PPP6R3: variants seen among roughly 807,000 people sequenced by gnomAD.
The protein encoded by PPP6R3 is protein phosphatase 6 regulatory subunit 3.
In PPP6R3, 38 loss-of-function variants were observed where a neutral mutation model predicts 110.7. The ratio of observed to expected loss-of-function variants is 0.34; its 90% CI spans 0.26 to 0.45. The LOEUF (loss-of-function observed/expected upper bound fraction) is 0.45, where lower values mean the gene tolerates loss of function less well. Among genes scored for constraint, PPP6R3 ranks in the 20% least tolerant of loss-of-function variants. The probability of loss-of-function intolerance (pLI) is 1.00; values close to 1 mark genes in which losing one functional copy is unlikely to be tolerated. For missense variants in PPP6R3, 870 were observed against 1,062.4 expected, an observed-to-expected ratio of 0.82 and a Z score of 2.52; for synonymous variants, 369 against 373.5, an observed-to-expected ratio of 0.99 and a Z score of 0.14.
intron 18 of PPP6R3, among the ~76,000 whole-genome samples, chr11:68,594,103 T>C (rs1326799002): frequency 6.6e-6 from 1 of 151,936 alleles, no homozygotes; most frequent in Non-Finnish European, 1.5e-5. Flanking sequence ...AGCCAGAAGG[T>C]CTGTATTAAT....
At chr11:68,596,314 T>C (rs2099613775) in intron 19 of PPP6R3, 96 bp downstream of exon 19, 23 of 1,527,712 alleles carry the variant, frequency 1.5e-5, no homozygotes, top group Non-Finnish European at 2.0e-5. Context: ...TGAGATGATA[T>C]CTGAAGGAAA....
At chr11:68,496,023 T>A (rs1293392968) in intron 1 of PPP6R3, among the ~76,000 whole-genome samples, 3 of 152,154 alleles carry the variant, frequency 2.0e-5, no homozygotes, top group African/African-American at 7.2e-5. Flanking sequence ...CTCACTCTGT[T>A]GCCCAGGCTG....
In PPP6R3 at chr11:68,610,059, G is replaced by C. The variant is rs569061434; in HGVS notation, c.2570+36G>C. ...GCCTCCTCAAACCCACCCAGGCCCT[G>C]CCCTGACCTTGCCTGTTGCTTCCTG... On this transcript the variant is annotated intron_variant, in intron 23 of 23. Transcript: ENST00000393800. 2 of 1,606,760 alleles carry C rather than the reference G, an allele frequency of 1.2e-6. 1 individual carries two copies. The highest frequency in any genetic ancestry group is 2.2e-5 in the South Asian group (2 of 90,360).
rs374093450 is a variant in PPP6R3 at position 68,466,757 on chromosome 11, T to C, written c.-158+5930T>C. 2.0e-5 allele frequency among the ~76,000 whole-genome samples: 3 copies of C among 151,798 alleles called. No homozygotes were observed. The East Asian group carries it at 5.8e-4, about 29-fold the overall frequency. ...CCTCCCGAGTAGCTGGGACTACAGG[T>C]GCCTGCCACCACGCCCGGCTAATTT... On this transcript the variant is annotated intron_variant, in intron 1 of 23. Transcript: ENST00000393800.
chr11:68,531,046 A>G (rs75805066), intron 2 of PPP6R3, among the ~76,000 whole-genome samples: 16 of 152,220 alleles, frequency 1.1e-4, no homozygotes, highest in Admixed American at 7.8e-4. Flanking sequence ...AAACCCACTG[A>G]TATCAACTTT....
At chr11:68,461,155 C>T (rs1333424160) in intron 1 of PPP6R3, among the ~76,000 whole-genome samples, 1 of 150,770 alleles carries the variant, frequency 6.6e-6, no homozygotes, top group Non-Finnish European at 1.5e-5. Context: ...CCTGACCCGG[C>T]TCTGGCTCCA....
At position 68,564,321 on chromosome 11, in the gene PPP6R3, G is replaced by T; in HGVS notation, c.864G>T (p.Glu288Asp). Residue 288 changes from glutamate to aspartate, a missense_variant, in exon 9 of 24, where the codon GAG (glutamate) becomes GAT (aspartate). Transcript: ENST00000393800. Reference protein sequence around the residue: ...TRRPTFEGHIEICPPGMSHSA... With the variant: ...TRRPTFEGHIDICPPGMSHSA... ...TTTCAAGATTTGAAGGCCATATAGAGATCTGCCCACCAGGCATGAGCCATT... is the reference window on the plus strand; with the variant it reads ...TTTCAAGATTTGAAGGCCATATAGATATCTGCCCACCAGGCATGAGCCATT... 1 of 1,611,830 alleles carries T rather than the reference G, an allele frequency of 6.2e-7. No homozygotes were observed. Among genetic ancestry groups the T allele is most frequent in the Non-Finnish European group, 8.5e-7 (1 of 1,178,046 alleles).
intron 19 of PPP6R3, among the ~76,000 whole-genome samples, chr11:68,599,190 T>C (rs2099622978): frequency 6.6e-6 from 1 of 152,238 alleles, no homozygotes; most frequent in African/African-American, 2.4e-5. Flanking sequence ...TAGAGATTCC[T>C]AATTATGATA....
intron 1 of PPP6R3, among the ~76,000 whole-genome samples, chr11:68,508,633 T>G (rs2099091635): frequency 1.3e-5 from 2 of 152,232 alleles, no homozygotes; most frequent in African/African-American, 4.8e-5. Flanking sequence ...AGATGCTGTT[T>G]AGTTGAGAAT....
chr11:68,600,616 A>G, intron 20 of PPP6R3, 122 bp downstream of exon 20: 2 of 1,101,082 alleles, frequency 1.8e-6, no homozygotes, highest in Non-Finnish European at 2.5e-6. Context: ...TGCCCTGAAA[A>G]AGATTAAACA....
At chr11:68,578,372 T>G (rs1013985891) in intron 14 of PPP6R3, among the ~76,000 whole-genome samples, 1 of 152,252 alleles carries the variant, frequency 6.6e-6, no homozygotes, top group African/African-American at 2.4e-5. Context: ...TACACTTGCC[T>G]TCTTAACATG....
intron 22 of PPP6R3, among the ~76,000 whole-genome samples, chr11:68,607,952 T>C (rs934824080): frequency 6.6e-6 from 1 of 151,972 alleles, no homozygotes; most frequent in Non-Finnish European, 1.5e-5. Flanking sequence ...TTTTTTTGTT[T>C]GTTTACTTTT....
intron 9 of PPP6R3, among the ~76,000 whole-genome samples, chr11:68,566,007 C>T (rs2099464811): frequency 6.6e-6 from 1 of 152,076 alleles, no homozygotes; most frequent in South Asian, 2.1e-4. Context: ...CTGTTACGTG[C>T]CACCCTTGCC....
At chr11:68,469,307 T>C (rs1162502871) in intron 1 of PPP6R3, among the ~76,000 whole-genome samples, 1 of 152,220 alleles carries the variant, frequency 6.6e-6, no homozygotes, top group Admixed American at 6.5e-5. Context: ...TGTCTTTGTT[T>C]ATCTTTTTGA....
intron 4 of PPP6R3, among the ~76,000 whole-genome samples, chr11:68,545,353 A>G (rs768355067): frequency 4.6e-5 from 7 of 152,252 alleles, no homozygotes; most frequent in Non-Finnish European, 8.8e-5. Context: ...AAGCAGTTGA[A>G]TATGTCACCA....
chr11:68,584,165 G>A (rs1205977797), intron 15 of PPP6R3, among the ~76,000 whole-genome samples: 4 of 152,206 alleles, frequency 2.6e-5, no homozygotes, highest in East Asian at 1.9e-4. Context: ...GCAGATTTCC[G>A]GAGGTTAGGG....
In PPP6R3 at chr11:68,601,577, G is replaced by A. The variant is rs539948649; in HGVS notation, c.2193-286G>A. The stretch of plus-strand genomic sequence containing the variant: ...CTGGGAGCCTCCTAGTGACTATGGT[G>A]GGATGAGAAGTTGGGACATGATGAG... On this transcript the variant is annotated intron_variant, in intron 20 of 23. Coordinates refer to ENST00000393800, the MANE Select transcript of PPP6R3 (RefSeq NM_001164161.2). 5.0e-4 allele frequency among the ~76,000 whole-genome samples: 76 copies of A among 152,324 alleles called. 2 individuals are homozygous for A. The South Asian group carries it at 0.016, about 32-fold the overall frequency.
intron 15 of PPP6R3, among the ~76,000 whole-genome samples, chr11:68,584,378 G>A (rs1405443991): frequency 6.6e-6 from 1 of 152,162 alleles, no homozygotes; most frequent in Non-Finnish European, 1.5e-5. Context: ...CTCCACTGAG[G>A]CACCTGTAGA....
In PPP6R3 at chr11:68,461,207, G is replaced by A. The variant is rs566152187; in HGVS notation, c.-158+380G>A. Among the ~76,000 whole-genome samples, 9 of 151,232 alleles carry A rather than the reference G, an allele frequency of 6.0e-5. No individual in the cohort carries two copies. The East Asian group carries it at 1.8e-3, about 30-fold the overall frequency. On this transcript the variant is annotated intron_variant, in intron 1 of 23. Coordinates refer to ENST00000393800, the MANE Select transcript of PPP6R3 (RefSeq NM_001164161.2). ...GCCGCGGCCCGCAGTCTCGCCCCCCGCCCGGCCCGCGCCCGGTCTCCGCTC... is the reference window on the plus strand; with the variant it reads ...GCCGCGGCCCGCAGTCTCGCCCCCCACCCGGCCCGCGCCCGGTCTCCGCTC...
Sources: allele counts gnomAD v4.1 joint callset (sites outside exome capture counted in the v4.1 genomes callset), GRCh38; gene constraint gnomAD v4.1.1; transcripts MANE v1.5; gene names NCBI Gene and HGNC (gene_info 2026-07-23, HGNC 2026-07-21).